Variants in ZNF547 observed in about 807,000 individuals in gnomAD.
The protein encoded by ZNF547 is zinc finger protein 547.
Under a neutral mutation model 7.7 loss-of-function variants are expected in ZNF547, and 4 were observed. The ratio of observed to expected loss-of-function variants is 0.52; its 90% CI spans 0.26 to 1.20. The LOEUF (loss-of-function observed/expected upper bound fraction) is 1.20, where lower values mean the gene tolerates loss of function less well. Among genes scored for constraint, ZNF547 ranks in the 50% most tolerant of loss-of-function variants. The pLI, the probability that ZNF547 is intolerant of heterozygous loss-of-function variation, is 0.14. For synonymous variants in ZNF547, 166 were observed against 166.2 expected, an observed-to-expected ratio of 1.00 and a Z score of 0.01; for missense variants, 449 against 485.8, an observed-to-expected ratio of 0.92 and a Z score of 0.71.
intron 3 of ZNF547, among the ~76,000 whole-genome samples, chr19:57,372,215 C>A (rs2088509336): frequency 6.6e-6 from 1 of 152,158 alleles, no homozygotes; most frequent in Non-Finnish European, 1.5e-5. Context: ...CTCTGTTGTT[C>A]CCTTGCTCTT....
intron 1 of ZNF547, among the ~76,000 whole-genome samples, chr19:57,366,557 T>TTTTTTTTTTTTTTTTG: frequency 6.8e-6 from 1 of 147,782 alleles, no homozygotes. Context: ...GTTTTTTTTT[T>TTTTTTTTTTTTTTTTG]TTTTTTTTTT....
At chr19:57,375,370 G>T (rs1028396587) in intron 3 of ZNF547, among the ~76,000 whole-genome samples, 4 of 151,280 alleles carry the variant, frequency 2.6e-5, no homozygotes, top group African/African-American at 9.8e-5. Flanking sequence ...GCGATACTTG[G>T]CCAGGCTTGG....
chr19:57,366,457 G>T (rs1421969212), intron 1 of ZNF547, among the ~76,000 whole-genome samples: 2 of 151,626 alleles, frequency 1.3e-5, no homozygotes, highest in Non-Finnish European at 2.9e-5. Context: ...TTATCTGCCT[G>T]CCTCGGCCTC....
intron 3 of ZNF547, among the ~76,000 whole-genome samples, chr19:57,376,725 C>CT (rs1194675757): frequency 6.6e-6 from 1 of 152,128 alleles, no homozygotes; most frequent in African/African-American, 2.4e-5. Context: ...CCCCAATAAA[C>CT]TTATTCGTGG....
chr19:57,377,213 C>G lies in ZNF547; in HGVS notation c.237C>G (p.Pro79=). Residue 79 remains proline (P), a synonymous_variant, in exon 4 of 4, where the codon CCC becomes CCG. Transcript: ENST00000282282. ...VGVSQVMAPK[P]CLSTQNTQPC... Reference sequence around the variant, plus strand: ...TGTCACAGGTCATGGCTCCAAAGCCCTGTCTATCTACCCAGAATACCCAGC... The same window carrying G: ...TGTCACAGGTCATGGCTCCAAAGCCGTGTCTATCTACCCAGAATACCCAGC... 1 of 1,614,176 alleles carries G rather than the reference C, an allele frequency of 6.2e-7. No individual in the cohort carries two copies. Among genetic ancestry groups the G allele is most frequent in the African/African-American group, 1.3e-5 (1 of 75,044 alleles).
chr19:57,365,971 TCTC>T (rs1206485348), intron 1 of ZNF547, among the ~76,000 whole-genome samples: 1 of 150,320 alleles, frequency 6.7e-6, no homozygotes, highest in Non-Finnish European at 1.5e-5. Flanking sequence ...TTCAAGCAAT[TCTC>T]CTTCTTCAGC....
chr19:57,370,430 C>T (rs980726603), intron 2 of ZNF547, among the ~76,000 whole-genome samples: 8 of 152,258 alleles, frequency 5.3e-5, no homozygotes, highest in Non-Finnish European at 1.0e-4. Context: ...GGATGCTGAG[C>T]GTATTTGCCG....
rs560793231 is a variant in ZNF547 at position 57,363,629 on chromosome 19, C to T, written c.-87C>T. ...TGACAAGGACTGGGGACGGCGGTGT[C>T]CTTGTCTTGCCTTTGTCGCCCCCGC... is the stretch of plus-strand genomic sequence containing the variant. On this transcript the variant is annotated 5_prime_UTR_variant, in exon 1 of 4. Transcript: ENST00000282282. The T allele has an allele frequency of 5.9e-5, 9 of 153,306 alleles. No individual in the cohort carries two copies. Among genetic ancestry groups the T allele is most frequent in the African/African-American group, 2.2e-4 (9 of 41,574 alleles). 9.5% of individuals were successfully genotyped at this position (153,306 alleles called of 1,614,324 possible). A position where few individuals can be genotyped will look rare whatever the true frequency, so the allele number is the denominator to read the frequency against.
chr19:57,368,291 G>C (rs117485692), intron 1 of ZNF547: 65 of 461,374 alleles, frequency 1.4e-4, no homozygotes, highest in African/African-American at 1.1e-3. Context: ...TTTGACACCG[G>C]TAAGAGTCCT....
chr19:57,364,787 C>T (rs1036841718), intron 1 of ZNF547: 14 of 1,472,166 alleles, frequency 9.5e-6, no homozygotes, highest in African/African-American at 1.4e-5. Flanking sequence ...ACTGACATTG[C>T]GTTTCCGTTG....
At chr19:57,368,458 G>A (rs2088484325) in intron 1 of ZNF547, 86 bp from the exon 2 acceptor site, 2 of 1,314,352 alleles carry the variant, frequency 1.5e-6, no homozygotes, top group Non-Finnish European at 2.2e-6. Flanking sequence ...TTTGCTTTAG[G>A]GTAAGGAAGA....
Position 57,377,380 on chromosome 19 carries a change from GA to G in ZNF547, c.405del (p.Asp137MetfsTer8), listed in dbSNP as rs1375495169. ...QKEQIREKLS[R>X]GDGGRPTFVK... ...GAGCAGATTAGAGAGAAACTTTCTA[GA>G]GGGGATGGAGGAAGACCGACATTTG... On this transcript the variant is annotated frameshift_variant, in exon 4 of 4. Transcript: ENST00000282282. LOFTEE classifies it low-confidence loss of function (END_TRUNC). 16 of 1,614,214 alleles carry G rather than the reference GA, an allele frequency of 9.9e-6. No individual in the cohort carries two copies. The highest frequency in any genetic ancestry group is 1.2e-5 in the Non-Finnish European group (14 of 1,180,034).
chr19:57,365,167 A>C (rs771075019), intron 1 of ZNF547: 1 of 1,594,530 alleles, frequency 6.3e-7, no homozygotes. Flanking sequence ...ATTTTCAATG[A>C]ATCCATTTTA....
At chr19:57,370,092 C>T (rs1462346388) in intron 2 of ZNF547, among the ~76,000 whole-genome samples, 1 of 151,872 alleles carries the variant, frequency 6.6e-6, no homozygotes, top group Non-Finnish European at 1.5e-5. Flanking sequence ...GGGCTTTCAC[C>T]ATGTTGGCCA....
intron 1 of ZNF547, chr19:57,364,443 TTCAAAA>T: frequency 4.8e-6 from 1 of 206,436 alleles, no homozygotes; most frequent in Non-Finnish European, 9.9e-6. Context: ...GTGTAGATTC[TTCAAAA>T]GAATAGAGGG....
At position 57,378,157 on chromosome 19, in the gene ZNF547, T is replaced by A. The variant is rs763986640; in HGVS notation, c.1181T>A (p.Leu394His). 8 of 1,609,178 alleles carry A rather than the reference T, an allele frequency of 5.0e-6. No homozygotes were observed. In the South Asian group the frequency reaches 8.8e-5, roughly 18 times the overall value. ...GKFFRYNSTL[L>H]RHQKVHTG ...TTCTTTAGGTATAACTCTACACTTC[T>A]CAGACATCAGAAAGTCCACACTGGA... Residue 394 changes from leucine (L) to histidine (H), a missense_variant, in exon 4 of 4, where the codon CTC becomes CAC. Leu to His is a moderately conservative substitution (Grantham distance 99). Transcript: ENST00000282282.
intron 3 of ZNF547, among the ~76,000 whole-genome samples, chr19:57,374,851 G>A (rs980929256): frequency 6.6e-6 from 1 of 152,122 alleles, no homozygotes; most frequent in Non-Finnish European, 1.5e-5. Context: ...TGCTAAATCA[G>A]CATTTTGATC....
At chr19:57,364,949 A>G in intron 1 of ZNF547, 3 of 1,613,168 alleles carry the variant, frequency 1.9e-6, no homozygotes, top group Non-Finnish European at 8.5e-7. Flanking sequence ...CATCTGAACC[A>G]GTTCATAGCT....
At chr19:57,373,311 A>C (rs1337960095) in intron 3 of ZNF547, among the ~76,000 whole-genome samples, 2 of 152,080 alleles carry the variant, frequency 1.3e-5, no homozygotes, top group African/African-American at 2.4e-5. Context: ...CATGGGGGAA[A>C]CTGTTCCCAT....
Sources: gnomAD v4.1 joint callset for allele counts (sites outside exome capture counted in the v4.1 genomes callset) on GRCh38, gnomAD v4.1.1 for gene constraint, MANE v1.5 for transcripts, NCBI Gene and HGNC (gene_info 2026-07-23, HGNC 2026-07-21) for gene names.